GABRG3: variants seen among roughly 807,000 people sequenced by gnomAD.
GABRG3 encodes the protein gamma-aminobutyric acid type A receptor subunit gamma3.
Under a neutral mutation model 48.8 loss-of-function variants are expected in GABRG3, and 25 were observed. The ratio of observed to expected loss-of-function variants is 0.51; its 90% CI spans 0.37 to 0.72. GABRG3 has a LOEUF of 0.72. Among genes scored for constraint, GABRG3 ranks in the 30% least tolerant of loss-of-function variants. The probability of loss-of-function intolerance (pLI) is 0.00; values close to 1 mark genes in which losing one functional copy is unlikely to be tolerated. For missense variants in GABRG3, 394 were observed against 577.9 expected (o/e 0.68, Z 3.26); for synonymous variants, 227 against 217.6 (o/e 1.04, Z -0.38).
intron 3 of GABRG3, among the ~76,000 whole-genome samples, chr15:27,308,472 T>A (rs943908122): frequency 4.7e-5 from 7 of 147,678 alleles, no homozygotes; most frequent in Non-Finnish European, 1.1e-4. Context: ...TGTTTATATA[T>A]AAACATATAA....
chr15:27,005,695 C>T (rs1041067656), intron 2 of GABRG3, among the ~76,000 whole-genome samples: 2 of 152,016 alleles, frequency 1.3e-5, no homozygotes, highest in African/African-American at 2.4e-5. Context: ...TAGGAGCAGT[C>T]GGAATTTGGA....
intron 3 of GABRG3, among the ~76,000 whole-genome samples, chr15:27,183,804 A>G (rs1595571486): frequency 1.3e-5 from 2 of 152,228 alleles, no homozygotes; most frequent in Non-Finnish European, 2.9e-5. Flanking sequence ...CAAATTTAAT[A>G]TATATTTAAT....
At chr15:27,136,276 A>G (rs1288441182) in intron 3 of GABRG3, among the ~76,000 whole-genome samples, 1 of 152,238 alleles carries the variant, frequency 6.6e-6, no homozygotes, top group Non-Finnish European at 1.5e-5. Context: ...TGGTCTTCAA[A>G]GAGTGAAAAT....
At chr15:27,050,156 T>C (rs1379518562) in intron 3 of GABRG3, among the ~76,000 whole-genome samples, 1 of 152,210 alleles carries the variant, frequency 6.6e-6, no homozygotes, top group African/African-American at 2.4e-5. Context: ...ATTTAGTCTC[T>C]ATATTGGGCA....
At chr15:27,495,880 G>GCCA (rs1890474760) in intron 6 of GABRG3, among the ~76,000 whole-genome samples, 1 of 152,070 alleles carries the variant, frequency 6.6e-6, no homozygotes, top group South Asian at 2.1e-4. Flanking sequence ...GTTTTTTATT[G>GCCA]AAAGCTGGAC....
intron 5 of GABRG3, among the ~76,000 whole-genome samples, chr15:27,420,304 A>T (rs1888072762): frequency 6.6e-6 from 1 of 152,378 alleles, no homozygotes; most frequent in East Asian, 1.9e-4. Context: ...TATCAAATGT[A>T]GCCAAATAAG....
intron 3 of GABRG3, among the ~76,000 whole-genome samples, chr15:27,032,349 T>G (rs1566914631): frequency 1.3e-5 from 2 of 152,214 alleles, no homozygotes; most frequent in Admixed American, 6.5e-5. Flanking sequence ...TTTTCTTGCT[T>G]CTTTCTATTA....
chr15:27,063,756 T>G (rs1238616332), intron 3 of GABRG3, among the ~76,000 whole-genome samples: 1 of 152,196 alleles, frequency 6.6e-6, no homozygotes, highest in Non-Finnish European at 1.5e-5. Context: ...CCCTGCAGCC[T>G]GGCGTCAATC....
intron 5 of GABRG3, among the ~76,000 whole-genome samples, chr15:27,400,005 T>G (rs1887429031): frequency 6.6e-6 from 1 of 152,190 alleles, no homozygotes; most frequent in African/African-American, 2.4e-5. Context: ...TGCTGCATGC[T>G]CATTTTATTT....
chr15:27,518,694 G>A (rs1001505012), intron 6 of GABRG3, among the ~76,000 whole-genome samples: 1 of 152,108 alleles, frequency 6.6e-6, no homozygotes. Flanking sequence ...AAGGGTTTTG[G>A]CAAGTCTGAG....
intron 3 of GABRG3, among the ~76,000 whole-genome samples, chr15:27,167,245 C>T (rs72700109): frequency 0.02 from 2,978 of 152,318 alleles, 33 homozygotes; most frequent in Non-Finnish European, 0.031. Flanking sequence ...TTCTTTTCCT[C>T]TCTTTCCACA....
chr15:27,464,469 G>A (rs545192409), intron 5 of GABRG3, among the ~76,000 whole-genome samples: 4 of 152,284 alleles, frequency 2.6e-5, no homozygotes, highest in African/African-American at 9.6e-5. Flanking sequence ...GTTTTGGTGT[G>A]ATTGTGTACA....
intron 5 of GABRG3, among the ~76,000 whole-genome samples, chr15:27,402,793 A>G (rs1286982876): frequency 1.3e-5 from 2 of 152,242 alleles, no homozygotes; most frequent in South Asian, 2.1e-4. Context: ...AAAATATACC[A>G]TAAGCAACTA....
chr15:27,421,616 C>G (rs111533505), intron 5 of GABRG3, among the ~76,000 whole-genome samples: 6,813 of 143,910 alleles, frequency 0.047, 177 homozygotes, highest in Middle Eastern at 0.13. Context: ...TGAGTGTTCT[C>G]AGGCATCCAT....
In GABRG3 at chr15:27,539,438, T is replaced by C. The variant is rs1891618383; in HGVS notation, c.*6557T>C. ...GCTGCTTCTCTAATCTAAGGAGGTC[T>C]ATTCGAAAGGATAGTGCTTGACTTT... is the stretch of plus-strand genomic sequence containing the variant. On this transcript the variant is annotated 3_prime_UTR_variant, in exon 10 of 10. Coordinates refer to ENST00000615808, the MANE Select transcript of GABRG3 (RefSeq NM_033223.5). 1 of 152,226 alleles carries C rather than the reference T, an allele frequency of 6.6e-6. No homozygotes were observed. The highest frequency in any genetic ancestry group is 1.5e-5 in the Non-Finnish European group (1 of 68,036). 9.4% of individuals were successfully genotyped at this position (152,226 alleles called of 1,614,324 possible). A position where few individuals can be genotyped will look rare whatever the true frequency, so the allele number is the denominator to read the frequency against.
chr15:27,454,596 C>A (rs1889208616), intron 5 of GABRG3, among the ~76,000 whole-genome samples: 1 of 152,182 alleles, frequency 6.6e-6, no homozygotes, highest in Non-Finnish European at 1.5e-5. Flanking sequence ...TGATGTAATG[C>A]CATTTCTTTC....
At chr15:27,306,163 A>G (rs1892419133) in intron 3 of GABRG3, among the ~76,000 whole-genome samples, 1 of 132,236 alleles carries the variant, frequency 7.6e-6, no homozygotes, top group Non-Finnish European at 1.6e-5. Context: ...ATAAACCTAT[A>G]TGTTTATATA....
At chr15:27,024,115 G>A (rs1177525029) in intron 2 of GABRG3, among the ~76,000 whole-genome samples, 1 of 152,006 alleles carries the variant, frequency 6.6e-6, no homozygotes, top group African/African-American at 2.4e-5. Context: ...ATCTTCTTGG[G>A]GGAAATGTCT....
rs181310780 is a variant in GABRG3, at chr15:27,058,766, C to T, written c.270+31945C>T. Among the ~76,000 whole-genome samples the T allele has an allele frequency of 2.6e-3, 402 of 152,190 alleles. 7 individuals carry two copies. The highest frequency in any genetic ancestry group is 8.9e-3 in the African/African-American group (369 of 41,502). On this transcript the variant is annotated intron_variant, in intron 3 of 9. Transcript: ENST00000615808. ...TTAGTCTATTAGAAACCAGTAAGTT[C>T]GCGGGCCTCATCAAAATTGATAAGT...
Sources: gnomAD v4.1 joint callset for allele counts (sites outside exome capture counted in the v4.1 genomes callset) on GRCh38, gnomAD v4.1.1 for gene constraint, MANE v1.5 for transcripts, NCBI Gene and HGNC (gene_info 2026-07-23, HGNC 2026-07-21) for gene names.